Variants in COL6A6 observed in about 807,000 individuals in gnomAD.
COL6A6 encodes the protein collagen alpha-6(VI) chain.
Under a neutral mutation model 208.6 loss-of-function variants are expected in COL6A6, and 183 were observed. The ratio of observed to expected loss-of-function variants is 0.88; its 90% CI spans 0.78 to 0.99. The LOEUF (loss-of-function observed/expected upper bound fraction) is 0.99, where lower values mean the gene tolerates loss of function less well. Ranked by LOEUF, COL6A6 falls within the 50% of genes least tolerant of loss-of-function variation. COL6A6 has a pLI of 0.00. For synonymous variants in COL6A6, 973 were observed against 1,011.8 expected, an observed-to-expected ratio of 0.96 and a Z score of 0.73; for missense variants, 2,816 against 2,815.2, an observed-to-expected ratio of 1.00 and a Z score of -0.01.
intron 33 of COL6A6, among the ~76,000 whole-genome samples, chr3:130,652,010 A>ATG (rs1276681983): frequency 6.6e-6 from 1 of 152,204 alleles, no homozygotes; most frequent in Non-Finnish European, 1.5e-5. Flanking sequence ...GCACCAATGA[A>ATG]GGTTTAAATT....
intron 33 of COL6A6, 105 bp downstream of exon 33, chr3:130,649,667 T>C (rs1213737916): frequency 7.9e-7 from 1 of 1,267,970 alleles, no homozygotes; most frequent in Non-Finnish European, 1.1e-6. Context: ...TGTTAGGAAG[T>C]TTAAAAAATT....
At chr3:130,550,789 A>G (rs184494105) in intron 1 of COL6A6, among the ~76,000 whole-genome samples, 6 of 152,322 alleles carry the variant, frequency 3.9e-5, no homozygotes, top group Admixed American at 2.6e-4. Context: ...TTTGGTGGTG[A>G]CACAGCCAAA....
chr3:130,627,029 A>G (rs566643306), intron 25 of COL6A6, among the ~76,000 whole-genome samples: 2 of 152,266 alleles, frequency 1.3e-5, no homozygotes, highest in East Asian at 3.9e-4. Flanking sequence ...AGATTATTAT[A>G]TGCCTGATTT....
intron 1 of COL6A6, among the ~76,000 whole-genome samples, chr3:130,547,856 G>A (rs537264255): frequency 4.6e-5 from 7 of 152,190 alleles, no homozygotes; most frequent in African/African-American, 1.7e-4. Flanking sequence ...GGAGGGCAGC[G>A]GTGCCGTCTC....
rs116085197 is a variant in COL6A6, at chr3:130,589,563, G to A, written c.4218+381G>A. Among the ~76,000 whole-genome samples the A allele has an allele frequency of 7.0e-3, 1,061 of 152,248 alleles. 12 individuals are homozygous for A. The highest frequency in any genetic ancestry group is 0.024 in the African/African-American group (1,002 of 41,528). On this transcript the variant is annotated intron_variant, in intron 12 of 36. Transcript: ENST00000358511. ...ATGGCAGAGTTATTAAAATCAAAGC[G>A]AAGATACTTTGTGTACTCTGCTGAA...
chr3:130,622,485 AAAGAT>A (rs1323542749), intron 24 of COL6A6, among the ~76,000 whole-genome samples: 2 of 152,182 alleles, frequency 1.3e-5, no homozygotes, highest in Non-Finnish European at 2.9e-5. Context: ...GACATAAAAT[AAAGAT>A]AAGGGGCTAA....
intron 2 of COL6A6, among the ~76,000 whole-genome samples, chr3:130,561,959 C>T (rs1022811335): frequency 6.6e-6 from 1 of 152,190 alleles, no homozygotes; most frequent in Non-Finnish European, 1.5e-5. Context: ...GCTGAATCTA[C>T]TTATTTTAAA....
At chr3:130,587,295 C>CT (rs1346351071) in intron 11 of COL6A6, among the ~76,000 whole-genome samples, 1 of 152,196 alleles carries the variant, frequency 6.6e-6, no homozygotes, top group Non-Finnish European at 1.5e-5. Flanking sequence ...CAGTCTTGCT[C>CT]TATCGCCCAG....
At chr3:130,541,935 A>G (rs1235509175) in intron 1 of COL6A6, among the ~76,000 whole-genome samples, 2 of 152,208 alleles carry the variant, frequency 1.3e-5, no homozygotes, top group African/African-American at 4.8e-5. Context: ...GAGTTATCAA[A>G]TCTGCAGGCA....
Position 130,567,071 on chromosome 3 carries a change from A to T in COL6A6, c.1652A>T (p.Asp551Val). The T allele has an allele frequency of 6.2e-7, 1 of 1,614,026 alleles. No individual in the cohort carries two copies. The highest frequency in any genetic ancestry group is 8.5e-7 in the Non-Finnish European group (1 of 1,179,878). ...GTCCTGACAAATGGCATGTCCAAGG[A>T]TAGCATCTTGGAGCCTGCAAACAGA... ...LVVLTNGMSK[D>V]SILEPANRLR... Residue 551 changes from aspartate (D) to valine (V), a missense_variant, in exon 5 of 37, where the codon GAT becomes GTT. Asp to Val is a radical substitution (Grantham distance 152). Transcript: ENST00000358511.
intron 11 of COL6A6, among the ~76,000 whole-genome samples, chr3:130,587,339 C>T (rs2063564975): frequency 6.6e-6 from 1 of 152,206 alleles, no homozygotes; most frequent in Non-Finnish European, 1.5e-5. Flanking sequence ...CAGCTTATTG[C>T]AATCTCTGCC....
intron 7 of COL6A6, among the ~76,000 whole-genome samples, chr3:130,572,766 C>T (rs574870326): frequency 6.6e-6 from 1 of 152,268 alleles, no homozygotes; most frequent in African/African-American, 2.4e-5. Context: ...CCTAAAGGAT[C>T]GATTTACCAT....
intron 1 of COL6A6, among the ~76,000 whole-genome samples, chr3:130,539,375 C>T (rs1309127406): frequency 3.3e-5 from 5 of 152,220 alleles, no homozygotes; most frequent in Non-Finnish European, 7.3e-5. Context: ...GTGGCTCACG[C>T]CTGTAATCCC....
rs115793044 is a variant in COL6A6 at position 130,558,012 on chromosome 3, A to G, written c.-31-2322A>G. ...CAAAACATATTCAGATTAAAGAGAC[A>G]TGTACCTTTGAGAGTGTTTATAATG... is the stretch of plus-strand genomic sequence containing the variant. On this transcript the variant is annotated intron_variant, in intron 1 of 36. Transcript: ENST00000358511. Among the ~76,000 whole-genome samples the G allele has an allele frequency of 8.9e-3, 1,355 of 152,366 alleles. 35 individuals carry two copies. Among genetic ancestry groups the G allele is most frequent in the African/African-American group, 0.031 (1,273 of 41,582 alleles).
At chr3:130,545,501 T>C (rs547513385) in intron 1 of COL6A6, among the ~76,000 whole-genome samples, 11 of 150,022 alleles carry the variant, frequency 7.3e-5, no homozygotes, top group African/African-American at 2.7e-4. Flanking sequence ...TCGCCCAGGC[T>C]GGAGTGCAGT....
At chr3:130,539,816 A>G (rs1215927717) in intron 1 of COL6A6, among the ~76,000 whole-genome samples, 2 of 152,142 alleles carry the variant, frequency 1.3e-5, no homozygotes, top group South Asian at 2.1e-4. Context: ...ACTCCCTGCA[A>G]TTGTTTCATA....
chr3:130,554,222 G>T (rs890435485), intron 1 of COL6A6, among the ~76,000 whole-genome samples: 5 of 152,198 alleles, frequency 3.3e-5, no homozygotes, highest in African/African-American at 9.7e-5. Flanking sequence ...ACATTTCTTG[G>T]CTGGTATAGG....
At chr3:130,656,234 T>C (rs2065785753) in intron 33 of COL6A6, among the ~76,000 whole-genome samples, 1 of 152,242 alleles carries the variant, frequency 6.6e-6, no homozygotes, top group Non-Finnish European at 1.5e-5. Context: ...CTGTTTTAGC[T>C]CTACCATTCA....
intron 18 of COL6A6, among the ~76,000 whole-genome samples, chr3:130,596,958 A>G (rs913247213): frequency 1.3e-5 from 2 of 152,214 alleles, no homozygotes; most frequent in African/African-American, 4.8e-5. Context: ...TTTTTTACCC[A>G]GTTGTATACG....
Sources: allele counts gnomAD v4.1 joint callset (sites outside exome capture counted in the v4.1 genomes callset), GRCh38; gene constraint gnomAD v4.1.1; transcripts MANE v1.5; gene names NCBI Gene and HGNC (gene_info 2026-07-23, HGNC 2026-07-21).